The following PRSS48 variants were observed in gnomAD, a reference collection of about 807,000 sequenced individuals.
PRSS48 encodes serine protease 48.
Under a neutral mutation model 25.6 loss-of-function variants are expected in PRSS48, and 21 were observed. That is an observed-to-expected ratio of 0.82 (90% CI 0.58 to 1.18). The LOEUF is 1.18. Among genes scored for constraint, PRSS48 ranks in the 50% most tolerant of loss-of-function variants. PRSS48 has a pLI of 0.00. For synonymous variants in PRSS48, 150 were observed against 149.3 expected (o/e 1.00, Z -0.04); for missense variants, 373 against 399.3 (o/e 0.93, Z 0.56).
chr4:151,283,028 C>T, intron 3 of PRSS48, 89 bp from the exon 4 acceptor site: 2 of 1,200,438 alleles, frequency 1.7e-6, no homozygotes, highest in Non-Finnish European at 2.4e-6. Context: ...TTTGGATTCC[C>T]ATTCAGAGAC....
intron 2 of PRSS48, 77 bp from the exon 3 acceptor site, chr4:151,282,071 G>A (rs995865398): frequency 6.8e-7 from 1 of 1,478,512 alleles, no homozygotes; most frequent in African/African-American, 1.4e-5. Flanking sequence ...CTTGAGTAGA[G>A]ACTTAGTGCT....
At chr4:151,291,546 T>C, downstream of PRSS48, 1 of 864,702 alleles carries the variant, frequency 1.2e-6, no homozygotes, top group Non-Finnish European at 1.8e-6. Context: ...AGTTTTGGGG[T>C]TGGAATGTGA....
chr4:151,291,520 G>A (rs980698317), downstream of PRSS48: 30 of 1,214,128 alleles, frequency 2.5e-5, no homozygotes, highest in African/African-American at 4.6e-5. Flanking sequence ...TTGTTTTTAA[G>A]GTTTTTGATT....
At chr4:151,283,750 C>A (rs2150010741) in intron 4 of PRSS48, among the ~76,000 whole-genome samples, 1 of 152,202 alleles carries the variant, frequency 6.6e-6, no homozygotes, top group East Asian at 1.9e-4. Flanking sequence ...TCCCAAATTC[C>A]TGGCCTCAAG....
intron 1 of PRSS48, among the ~76,000 whole-genome samples, chr4:151,278,305 G>C (rs906150864): frequency 4.0e-5 from 6 of 151,748 alleles, no homozygotes; most frequent in African/African-American, 1.5e-4. Flanking sequence ...GTCTCACTCT[G>C]TCACCCAGGT....
intron 2 of PRSS48, 69 bp downstream of exon 2, chr4:151,280,027 A>C: frequency 2.2e-6 from 2 of 923,734 alleles, no homozygotes; most frequent in Non-Finnish European, 2.9e-6. Context: ...TCATGAATGA[A>C]CCAAAAGACA....
chr4:151,283,426 T>A, intron 4 of PRSS48, 140 bp downstream of exon 4: 1 of 647,162 alleles, frequency 1.5e-6, no homozygotes, highest in Non-Finnish European at 2.6e-6. Context: ...CCTGGACAAA[T>A]CACTTAACTT....
chr4:151,291,492 T>C (rs1288713679), downstream of PRSS48: 1 of 1,376,250 alleles, frequency 7.3e-7, no homozygotes, highest in Non-Finnish European at 9.9e-7. Flanking sequence ...GTGACTTTAT[T>C]TACAATTTGA....
At position 151,291,311 on chromosome 4, in the gene PRSS48, T is replaced by C. The variant is rs762138153; in HGVS notation, c.845T>C (p.Val282Ala). 5 of 1,613,990 alleles carry C rather than the reference T, an allele frequency of 3.1e-6. No individual in the cohort carries two copies. Among genetic ancestry groups the C allele is most frequent in the Non-Finnish European group, 4.2e-6 (5 of 1,179,862 alleles). ...TTCTCTGACTTCTTGTTCCCTATTG[T>C]CCTACTCTCTCTGGCTCTCCTGCGT... Residue 282 changes from valine (V) to alanine (A), a missense_variant, in exon 5 of 5, where the codon GTC becomes GCC. By Grantham distance (64) the Val-to-Ala change is moderately conservative (BLOSUM62 0). Coordinates refer to ENST00000455694, the Ensembl canonical transcript of PRSS48.
chr4:151,282,090 G>A (rs1364061191), intron 2 of PRSS48, 58 bp from the exon 3 acceptor site: 1 of 1,576,824 alleles, frequency 6.3e-7, no homozygotes, highest in Non-Finnish European at 8.7e-7. Context: ...CTACATATAG[G>A]CAGCCTGTTC....
At position 151,277,237 on chromosome 4, in the gene PRSS48, G is replaced by A; in HGVS notation, c.52+13G>A. The A allele has an allele frequency of 2.0e-6, 3 of 1,496,862 alleles. No individual in the cohort carries two copies. Among genetic ancestry groups the A allele is most frequent in the Non-Finnish European group, 2.7e-6 (3 of 1,111,770 alleles). The allele number at this position is 1,496,862 out of a possible 1,614,324, so 92.7% of individuals were successfully genotyped here. A position where few individuals can be genotyped will look rare whatever the true frequency, so the allele number is the denominator to read the frequency against. ...CTGGGGATCTCAGGTGAGCGCCAGG[G>A]TGGGGTTGAGAAGGCAGAGGCAGAG... On this transcript the variant is annotated intron_variant, in intron 1 of 4. Coordinates refer to ENST00000455694, the Ensembl canonical transcript of PRSS48.
chr4:151,282,548 A>C (rs1337860289), intron 3 of PRSS48, 135 bp downstream of exon 3: 3 of 862,934 alleles, frequency 3.5e-6, no homozygotes, highest in African/African-American at 3.4e-5. Context: ...ATTATCTATA[A>C]GTTTTTAAAT....
At chr4:151,290,971 T>C (rs1018176093) in intron 4 of PRSS48, 147 bp from the exon 5 acceptor site, 3 of 584,878 alleles carry the variant, frequency 5.1e-6, no homozygotes, top group Non-Finnish European at 9.0e-6. Context: ...GATATCTCCC[T>C]AAAGCAGTGA....
rs1195291925 is a variant in PRSS48, at chr4:151,282,526, C to A, written c.481+113C>A. ...AAAATATTTTTCAACAAAACCAGATCAATCTAATGATATTATCTATAAGTT... is the reference window on the plus strand; with the variant it reads ...AAAATATTTTTCAACAAAACCAGATAAATCTAATGATATTATCTATAAGTT... On this transcript the variant is annotated intron_variant, in intron 3 of 4. Transcript: ENST00000455694. The A allele has an allele frequency of 3.3e-5, 34 of 1,020,876 alleles. No individual in the cohort carries two copies. In the East Asian group the frequency reaches 8.5e-4, roughly 25 times the overall value. 63.2% of individuals were successfully genotyped at this position (1,020,876 alleles called of 1,614,324 possible).
chr4:151,278,694 G>A (rs1351892881), intron 1 of PRSS48, among the ~76,000 whole-genome samples: 1 of 151,492 alleles, frequency 6.6e-6, no homozygotes, highest in African/African-American at 2.4e-5. Flanking sequence ...GCAGTGGCAT[G>A]ATCTAAACTC....
Position 151,283,103 on chromosome 4 carries a change from G to A in PRSS48, c.482-14G>A. 6.2e-7 allele frequency: 1 copy of A among 1,612,598 alleles called. No individual in the cohort carries two copies. The highest frequency in any genetic ancestry group is 8.5e-7 in the Non-Finnish European group (1 of 1,179,048). On this transcript the variant is annotated splice_polypyrimidine_tract_variant and intron_variant, in intron 3 of 4. Coordinates refer to ENST00000455694, the Ensembl canonical transcript of PRSS48. ...TAGGTTGCTTTAATCTTTTGTTCCTGTCTTCCTCCACAGATAGAGATTACC... is the reference window on the plus strand; with the variant it reads ...TAGGTTGCTTTAATCTTTTGTTCCTATCTTCCTCCACAGATAGAGATTACC...
chr4:151,288,021 C>T (rs1167325658), intron 4 of PRSS48, among the ~76,000 whole-genome samples: 1 of 150,978 alleles, frequency 6.6e-6, no homozygotes, highest in Non-Finnish European at 1.5e-5. Flanking sequence ...AGAGCAAAAA[C>T]CATATGATCA....
exon 5 of PRSS48, chr4:151,291,445 G>A: frequency 6.2e-7 from 1 of 1,604,232 alleles, no homozygotes; most frequent in South Asian, 1.1e-5. Flanking sequence ...TAGTCCCAGG[G>A]GCAGATAACT....
At chr4:151,284,067 C>G (rs1018824357) in intron 4 of PRSS48, among the ~76,000 whole-genome samples, 4 of 152,118 alleles carry the variant, frequency 2.6e-5, no homozygotes, top group Admixed American at 2.6e-4. Flanking sequence ...TGCATTTATC[C>G]TATTTGGGGT....
Sources: allele counts gnomAD v4.1 joint callset (sites outside exome capture counted in the v4.1 genomes callset), GRCh38; gene constraint gnomAD v4.1.1; transcripts MANE v1.5; gene names NCBI Gene and HGNC (gene_info 2026-07-23, HGNC 2026-07-21).